Variants in STK24 observed in about 807,000 individuals in gnomAD.
The protein encoded by STK24 is serine/threonine-protein kinase 24.
In STK24, 21 loss-of-function variants were observed where a neutral mutation model predicts 55.6. The ratio of observed to expected loss-of-function variants is 0.38; its 90% CI spans 0.27 to 0.54. The LOEUF (loss-of-function observed/expected upper bound fraction) is 0.54, where lower values mean the gene tolerates loss of function less well. STK24 is among the 20% of genes least tolerant of loss of function. The pLI is 0.79. For missense variants in STK24, 383 were observed against 538.4 expected (o/e 0.71, Z 2.86); for synonymous variants, 200 against 215.2 (o/e 0.93, Z 0.62).
chr13:98,446,104 T>C lies in STK24; in HGVS notation c.*7069A>G. Reference sequence around the variant, plus strand: ...AGGCCTCCTTGCCTTTCAGAATCAGTTGTCTGGAAACCTGCTGAGGAAATT... The same window carrying C: ...AGGCCTCCTTGCCTTTCAGAATCAGCTGTCTGGAAACCTGCTGAGGAAATT... On this transcript the variant is annotated 3_prime_UTR_variant, in exon 11 of 11. Coordinates refer to ENST00000539966, the MANE Select transcript of STK24 (RefSeq NM_001032296.4). The C allele has an allele frequency of 1.2e-6, 2 of 1,612,712 alleles. No individual in the cohort carries two copies. Among genetic ancestry groups the C allele is most frequent in the Non-Finnish European group, 1.7e-6 (2 of 1,178,746 alleles).
At chr13:98,537,316 G>A (rs1198449151) in intron 1 of STK24, among the ~76,000 whole-genome samples, 1 of 152,208 alleles carries the variant, frequency 6.6e-6, no homozygotes, top group Non-Finnish European at 1.5e-5. Context: ...CATCTGGAGT[G>A]GGGCCTTCCC....
intron 1 of STK24, among the ~76,000 whole-genome samples, chr13:98,544,202 C>T (rs1340328004): frequency 6.6e-6 from 1 of 152,242 alleles, no homozygotes; most frequent in East Asian, 1.9e-4. Context: ...GCACAATGAC[C>T]TCTGCCCCAG....
intron 1 of STK24, among the ~76,000 whole-genome samples, chr13:98,551,275 G>C (rs1897154201): frequency 6.8e-6 from 1 of 146,276 alleles, no homozygotes; most frequent in Non-Finnish European, 1.5e-5. Context: ...GACAGAGTGA[G>C]ACTCTGTCTC....
At chr13:98,458,664 C>G (rs922457916) in intron 9 of STK24, among the ~76,000 whole-genome samples, 1 of 152,218 alleles carries the variant, frequency 6.6e-6, no homozygotes, top group African/African-American at 2.4e-5. Flanking sequence ...TGCCCATGCC[C>G]CGCCCCTAAG....
At chr13:98,501,692 A>C (rs1452001388) in intron 2 of STK24, among the ~76,000 whole-genome samples, 1 of 152,212 alleles carries the variant, frequency 6.6e-6, no homozygotes, top group African/African-American at 2.4e-5. Flanking sequence ...TAAAAAATTT[A>C]AAAACAATAA....
At chr13:98,484,967 C>G (rs1269929178) in intron 2 of STK24, among the ~76,000 whole-genome samples, 5 of 152,208 alleles carry the variant, frequency 3.3e-5, no homozygotes, top group Non-Finnish European at 5.9e-5. Context: ...GAAACCAGCT[C>G]AAGTCCTTAT....
At chr13:98,513,610 C>T (rs917108852) in intron 2 of STK24, among the ~76,000 whole-genome samples, 6 of 152,116 alleles carry the variant, frequency 3.9e-5, no homozygotes, top group African/African-American at 1.2e-4. Flanking sequence ...GCCCTTCAGA[C>T]TGCACAAGAG....
intron 1 of STK24, among the ~76,000 whole-genome samples, chr13:98,535,370 AATATAT>A (rs71111959): frequency 0.078 from 4,361 of 55,896 alleles, 206 homozygotes; most frequent in African/African-American, 0.18. Context: ...ACAAAAAAAA[AATATAT>A]ATATATATAT....
chr13:98,483,294 C>T (rs1404952805), intron 2 of STK24, among the ~76,000 whole-genome samples: 2 of 152,096 alleles, frequency 1.3e-5, no homozygotes, highest in African/African-American at 2.4e-5. Context: ...TGGCACGGGA[C>T]GCCACCGCCA....
chr13:98,452,930 A>G lies in STK24; in HGVS notation c.*243T>C, dbSNP rs1893265140. On this transcript the variant is annotated 3_prime_UTR_variant, in exon 11 of 11. Coordinates refer to ENST00000539966, the MANE Select transcript of STK24 (RefSeq NM_001032296.4). ...CACTATGGTTAAAATTAAAAACAAA[A>G]GTAATAAAATAAAATAAAATGATCG... 2.3e-6 allele frequency: 1 copy of G among 428,628 alleles called. No individual in the cohort carries two copies. The highest frequency in any genetic ancestry group is 3.5e-5 in the East Asian group (1 of 28,360). The allele number at this position is 428,628 out of a possible 1,614,324, so 26.6% of individuals were successfully genotyped here. A position where few individuals can be genotyped will look rare whatever the true frequency, so the allele number is the denominator to read the frequency against.
In STK24 at chr13:98,467,952, A is replaced by G. The variant is rs543417462; in HGVS notation, c.598-1391T>C. 2.0e-5 allele frequency among the ~76,000 whole-genome samples: 3 copies of G among 152,362 alleles called. No homozygotes were observed. In the East Asian group the frequency reaches 5.8e-4, roughly 29 times the overall value. The stretch of plus-strand genomic sequence containing the variant: ...GGTAGAGAACACGCCTGAGTCTGGT[A>G]CAGCTTTCCTGCTGTTCTCACTGTG... On this transcript the variant is annotated intron_variant, in intron 5 of 10. Coordinates refer to ENST00000539966, the MANE Select transcript of STK24 (RefSeq NM_001032296.4).
chr13:98,548,558 T>G (rs1286698321), intron 1 of STK24, among the ~76,000 whole-genome samples: 1 of 152,170 alleles, frequency 6.6e-6, no homozygotes, highest in Non-Finnish European at 1.5e-5. Flanking sequence ...GTCACATCTT[T>G]CTACATGAAA....
In STK24 at chr13:98,457,053, C is replaced by T. The variant is rs1286177559; in HGVS notation, c.1259+115G>A. 8 of 1,264,194 alleles carry T rather than the reference C, an allele frequency of 6.3e-6. No homozygotes were observed. In the African/African-American group the frequency reaches 9.0e-5, roughly 14 times the overall value. 78.3% of individuals were successfully genotyped at this position (1,264,194 alleles called of 1,614,324 possible). A position where few individuals can be genotyped will look rare whatever the true frequency, so the allele number is the denominator to read the frequency against. On this transcript the variant is annotated intron_variant, in intron 10 of 10. Coordinates refer to ENST00000539966, the MANE Select transcript of STK24 (RefSeq NM_001032296.4). ...TAATTCAACTCTGTCTACCCTGAGG[C>T]CTGCAAGATAACAGGAACAGACAGG... is the stretch of plus-strand genomic sequence containing the variant.
chr13:98,471,507 A>G (rs1316000654), intron 5 of STK24, among the ~76,000 whole-genome samples: 2 of 152,218 alleles, frequency 1.3e-5, no homozygotes, highest in Non-Finnish European at 2.9e-5. Context: ...GGACTCCTTC[A>G]AACAAACCAA....
At chr13:98,498,953 T>C (rs942757416) in intron 2 of STK24, among the ~76,000 whole-genome samples, 4 of 151,662 alleles carry the variant, frequency 2.6e-5, no homozygotes, top group African/African-American at 4.9e-5. Context: ...AACGGTTCCT[T>C]TGAAAACAGC....
Position 98,466,335 on chromosome 13 carries a change from C to T in STK24, c.783+41G>A, listed in dbSNP as rs752528063. On this transcript the variant is annotated intron_variant, in intron 6 of 10. Coordinates refer to ENST00000539966, the MANE Select transcript of STK24 (RefSeq NM_001032296.4). Reference sequence around the variant, plus strand: ...CAGGATGTATCTCAACCAAGTCAAGCCGCACATGAAGAGGTACGCTGTGAT... The same window carrying T: ...CAGGATGTATCTCAACCAAGTCAAGTCGCACATGAAGAGGTACGCTGTGAT... 8.8e-6 allele frequency: 14 copies of T among 1,591,150 alleles called. No homozygotes were observed. The South Asian group carries it at 1.4e-4, about 15-fold the overall frequency.
intron 1 of STK24, among the ~76,000 whole-genome samples, chr13:98,535,756 G>C (rs1320031919): frequency 6.6e-6 from 1 of 152,156 alleles, no homozygotes; most frequent in African/African-American, 2.4e-5. Flanking sequence ...AAGGATCATG[G>C]GTCATTCTCT....
chr13:98,469,999 A>C (rs1894081422), intron 5 of STK24, among the ~76,000 whole-genome samples: 1 of 152,248 alleles, frequency 6.6e-6, no homozygotes, highest in South Asian at 2.1e-4. Flanking sequence ...AGCATTACTT[A>C]TGTTCAACCT....
At chr13:98,456,163 G>A (rs1177232402) in intron 10 of STK24, 1 of 168,890 alleles carries the variant, frequency 5.9e-6, no homozygotes, top group Non-Finnish European at 1.3e-5. Context: ...TAAACGTGAA[G>A]TATCAGAACT....
Sources: gnomAD v4.1 joint callset for allele counts (sites outside exome capture counted in the v4.1 genomes callset) on GRCh38, gnomAD v4.1.1 for gene constraint, MANE v1.5 for transcripts, NCBI Gene and HGNC (gene_info 2026-07-23, HGNC 2026-07-21) for gene names.